IFITM10: variants seen among roughly 807,000 people sequenced by gnomAD.
IFITM10 encodes the protein interferon-induced transmembrane protein 10.
IFITM10 carries 17 observed loss-of-function variants against 19.0 expected under a neutral mutation model. The ratio of observed to expected loss-of-function variants is 0.90; its 90% CI spans 0.61 to 1.34. IFITM10 has a LOEUF of 1.34. Ranked by LOEUF, IFITM10 falls within the 40% of genes most tolerant of loss-of-function variation. IFITM10 has a pLI of 0.00. For missense variants in IFITM10, 306 were observed against 319.8 expected (o/e 0.96, Z 0.33); for synonymous variants, 148 against 147.2 (o/e 1.01, Z -0.04).
At chr11:1,741,982 G>A (rs965967951) in intron 2 of IFITM10, among the ~76,000 whole-genome samples, 1 of 152,202 alleles carries the variant, frequency 6.6e-6, no homozygotes, top group East Asian at 1.9e-4. Context: ...GACTATGCTG[G>A]CACCCTGATC....
chr11:1,736,951 C>A (rs2133640608), intron 2 of IFITM10, among the ~76,000 whole-genome samples: 1 of 152,146 alleles, frequency 6.6e-6, no homozygotes, highest in South Asian at 2.1e-4. Context: ...AACGTGCTAT[C>A]AAAATGGAGA....
At position 1,735,874 on chromosome 11, in the gene IFITM10, T is replaced by C. The variant is rs931371168; in HGVS notation, c.538-445A>G. 7.9e-5 allele frequency among the ~76,000 whole-genome samples: 12 copies of C among 152,326 alleles called. 1 individual carries two copies. Among genetic ancestry groups the C allele is most frequent in the African/African-American group, 2.6e-4 (11 of 41,578 alleles). On this transcript the variant is annotated intron_variant, in intron 2 of 2. Coordinates refer to ENST00000340134, the MANE Select transcript of IFITM10 (RefSeq NM_001170820.4). ...CACAACTGTCTCCTAATTTGATTGG[T>C]TCTGCCTCGTTTAAAATTAACTGGG...
intron 1 of IFITM10, chr11:1,749,239 C>G (rs1227584548): frequency 3.2e-6 from 1 of 315,678 alleles, no homozygotes; most frequent in South Asian, 1.2e-4. Flanking sequence ...CAGAGCCTGA[C>G]TCACGGCGGC....
At position 1,748,107 on chromosome 11, in the gene IFITM10, CGGG is replaced by C; in HGVS notation, c.94_96del (p.Pro32del). On this transcript the variant is annotated inframe_deletion, in exon 2 of 3. Coordinates refer to ENST00000340134, the MANE Select transcript of IFITM10 (RefSeq NM_001170820.4). Reference sequence around the variant, plus strand: ...TCTCCCAGCGGGGCTGGGCACTGGCCGGGGCCCTGGGCCTGGAGAGGAGAAAGT... The same window carrying C: ...TCTCCCAGCGGGGCTGGGCACTGGCCGCCCTGGGCCTGGAGAGGAGAAAGT... The C allele has an allele frequency of 7.2e-7, 1 of 1,388,374 alleles. No individual in the cohort carries two copies. The highest frequency in any genetic ancestry group is 1.7e-5 in the South Asian group (1 of 60,512). The allele number at this position is 1,388,374 out of a possible 1,614,324, so 86.0% of individuals were successfully genotyped here.
chr11:1,748,192 C>T (rs1006311624), intron 1 of IFITM10, 73 bp from the exon 2 acceptor site: 2 of 1,113,990 alleles, frequency 1.8e-6, no homozygotes, highest in African/African-American at 3.3e-5. Context: ...CCAGCAGCTC[C>T]GAGAACAGCC....
chr11:1,750,084 T>G (rs890109308), intron 1 of IFITM10, among the ~76,000 whole-genome samples: 2 of 152,140 alleles, frequency 1.3e-5, no homozygotes, highest in Admixed American at 1.3e-4. Context: ...AGCCTCTCTG[T>G]GATCCCTACC....
chr11:1,750,026 T>C (rs1490759236), intron 1 of IFITM10, among the ~76,000 whole-genome samples: 1 of 152,116 alleles, frequency 6.6e-6, no homozygotes, highest in African/African-American at 2.4e-5. Context: ...AGGTCCTGGC[T>C]GCTAAGGACA....
Position 1,747,794 on chromosome 11 carries a change from G to A in IFITM10, c.410C>T (p.Pro137Leu). The A allele has an allele frequency of 1.3e-6, 2 of 1,551,394 alleles. No homozygotes were observed. The highest frequency in any genetic ancestry group is 1.7e-6 in the Non-Finnish European group (2 of 1,146,652). Residue 137 changes from proline to leucine, a missense_variant, in exon 2 of 3, where the codon CCC (proline) becomes CTC (leucine). Pro to Leu is a moderately conservative substitution (Grantham distance 98). Coordinates refer to ENST00000340134, the MANE Select transcript of IFITM10 (RefSeq NM_001170820.4). ...HLAEKKTMTNPTTVIEVYPDT... is the reference protein window; with the variant it reads ...HLAEKKTMTNLTTVIEVYPDT... ...CGGGTAGACCTCGATGACGGTCGTG[G>A]GGTTGGTCATCGTCTTCTTCTCGGC...
In IFITM10 at chr11:1,735,391, G is replaced by C; in HGVS notation, c.576C>G (p.Ala192=). Residue 192 remains alanine (A), a synonymous_variant, in exon 3 of 3, where the codon GCC becomes GCG. Transcript: ENST00000340134. ...GCCGGGCCGTCTTTGCATCCTCCACGGCTCCATTCAGGTCATTGAGAAGCT... is the reference window on the plus strand; with the variant it reads ...GCCGGGCCGTCTTTGCATCCTCCACCGCTCCATTCAGGTCATTGAGAAGCT... ...DKKLLNDLNG[A]VEDAKTARLF... The C allele has an allele frequency of 6.4e-7, 1 of 1,551,694 alleles. No homozygotes were observed. The highest frequency in any genetic ancestry group is 8.7e-7 in the Non-Finnish European group (1 of 1,146,966).
At chr11:1,741,902 G>A (rs772641331) in intron 2 of IFITM10, among the ~76,000 whole-genome samples, 3 of 152,166 alleles carry the variant, frequency 2.0e-5, no homozygotes, top group African/African-American at 7.2e-5. Context: ...GGAGGCCCTC[G>A]GCCCTACTGG....
Position 1,746,641 on chromosome 11 carries a change from G to A in IFITM10, c.537+1026C>T, listed in dbSNP as rs937067323. On this transcript the variant is annotated intron_variant, in intron 2 of 2. Transcript: ENST00000340134. The stretch of plus-strand genomic sequence containing the variant: ...TGCGATGCCGGGCGGGGTGGGGCTC[G>A]AGCTCAAGGATGGAGCAGAGGCGAA... 1.4e-4 allele frequency: 56 copies of A among 398,594 alleles called. No homozygotes were observed. The Middle Eastern group carries it at 2.5e-3, about 18-fold the overall frequency. 24.7% of individuals were successfully genotyped at this position (398,594 alleles called of 1,614,324 possible).
intron 2 of IFITM10, 34 bp downstream of exon 2, chr11:1,747,633 C>A (rs1845666034): frequency 2.6e-6 from 4 of 1,540,178 alleles, no homozygotes; most frequent in Non-Finnish European, 3.5e-6. Context: ...ACCTCTCTAG[C>A]CCGCCCTTGC....
At position 1,750,418 on chromosome 11, in the gene IFITM10, G is replaced by C. The variant is rs12417790; in HGVS notation, c.25C>G (p.Pro9Ala). The change falls in exon 1 of 3, where the codon CCA becomes GCA. Residue 9 changes from proline to alanine, a missense_variant. Physicochemically the swap from Pro to Ala is conservative, Grantham distance 27. Coordinates refer to ENST00000340134, the MANE Select transcript of IFITM10 (RefSeq NM_001170820.4). MREGKRGPPCILSFRGTLE... is the reference protein window; with the variant it reads MREGKRGPACILSFRGTLE... Reference sequence around the variant, plus strand: ...GTCCCCCGGAAGCTGAGGATGCATGGCGGCCCCCGTTTTCCCTCCCTCATC... The same window carrying C: ...GTCCCCCGGAAGCTGAGGATGCATGCCGGCCCCCGTTTTCCCTCCCTCATC... 6.5e-7 allele frequency: 1 copy of C among 1,550,308 alleles called. No individual in the cohort carries two copies.
intron 1 of IFITM10, 104 bp from the exon 2 acceptor site, chr11:1,748,223 T>C: frequency 1.1e-6 from 1 of 914,688 alleles, no homozygotes; most frequent in Non-Finnish European, 1.4e-6. Flanking sequence ...CGGAAATCCC[T>C]GCGGGGGCCG....
intron 2 of IFITM10, among the ~76,000 whole-genome samples, chr11:1,742,385 T>A: frequency 6.6e-6 from 1 of 151,532 alleles, no homozygotes; most frequent in African/African-American, 2.4e-5. Context: ...AAGAAGAACG[T>A]GAGAAATTTA....
intron 2 of IFITM10, 126 bp from the exon 3 acceptor site, chr11:1,735,555 T>C: frequency 1.2e-6 from 1 of 861,086 alleles, no homozygotes. Context: ...TTCCGAGAGC[T>C]GACGAATGAA....
rs1476536249 is a variant in IFITM10, at chr11:1,735,001, G to A, written c.*279C>T. ...GGCACGTGAGGGCAGGGACACAGAC[G>A]CTGGAAGCCAGGGTGCAGCAGCGAG... On this transcript the variant is annotated 3_prime_UTR_variant, in exon 3 of 3. Transcript: ENST00000340134. 1.8e-5 allele frequency: 8 copies of A among 447,582 alleles called. No individual in the cohort carries two copies. Among genetic ancestry groups the A allele is most frequent in the Non-Finnish European group, 2.8e-5 (7 of 251,078 alleles). 27.7% of individuals were successfully genotyped at this position (447,582 alleles called of 1,614,324 possible).
chr11:1,738,823 G>A (rs531378152), intron 2 of IFITM10, among the ~76,000 whole-genome samples: 1 of 152,216 alleles, frequency 6.6e-6, no homozygotes, highest in South Asian at 2.1e-4. Flanking sequence ...CACTTTGGGA[G>A]GCCGAGGCGG....
chr11:1,733,502 C>G lies in IFITM10; in HGVS notation c.*1778G>C, dbSNP rs1182872641. ...TCCCTTCCTCTGCAGGTTTCTGGGTCAGGACTGTGACCAGAATCTTGCTCG... is the reference window on the plus strand; with the variant it reads ...TCCCTTCCTCTGCAGGTTTCTGGGTGAGGACTGTGACCAGAATCTTGCTCG... On this transcript the variant is annotated 3_prime_UTR_variant, in exon 3 of 3. Coordinates refer to ENST00000340134, the MANE Select transcript of IFITM10 (RefSeq NM_001170820.4). The surrounding 1 kb of genome is among the most constrained non-coding windows in gnomAD (Gnocchi z 6.3). The G allele has an allele frequency of 6.6e-6, 1 of 152,408 alleles. No individual in the cohort carries two copies. The highest frequency in any genetic ancestry group is 1.5e-5 in the Non-Finnish European group (1 of 68,254). 9.4% of individuals were successfully genotyped at this position (152,408 alleles called of 1,614,324 possible).
Sources: gnomAD v4.1 joint callset for allele counts (sites outside exome capture counted in the v4.1 genomes callset) on GRCh38, gnomAD v4.1.1 for gene constraint, Gnocchi (gnomAD v3.1) non-coding constraint, MANE v1.5 for transcripts, NCBI Gene and HGNC (gene_info 2026-07-23, HGNC 2026-07-21) for gene names.